Variants in POT1 observed in about 807,000 individuals in gnomAD.
POT1 encodes protection of telomeres protein 1.
In POT1, 47 loss-of-function variants were observed where a neutral mutation model predicts 78.5. The ratio of observed to expected loss-of-function variants is 0.60; its 90% CI spans 0.47 to 0.76. POT1 has a LOEUF of 0.76. Ranked by LOEUF, POT1 falls within the 30% of genes least tolerant of loss-of-function variation. The pLI is 0.00. For missense variants in POT1, 646 were observed against 749.9 expected, an observed-to-expected ratio of 0.86 and a Z score of 1.62; for synonymous variants, 259 against 260.7, an observed-to-expected ratio of 0.99 and a Z score of 0.06.
chr7:124,851,992 A>G (rs1431583399), intron 10 of POT1, 41 bp from the exon 11 acceptor site: 2 of 1,341,866 alleles, frequency 1.5e-6, no homozygotes, highest in Non-Finnish European at 2.1e-6. Context: ...CATAAAACAA[A>G]GTCAATATAG....
chr7:124,859,338 T>G (rs974766120), intron 8 of POT1, among the ~76,000 whole-genome samples: 1 of 152,140 alleles, frequency 6.6e-6, no homozygotes, highest in African/African-American at 2.4e-5. Context: ...CACACTGCCA[T>G]AAGCTCAGAC....
Position 124,828,802 on chromosome 7 carries a change from G to A in POT1, c.1594+452C>T, listed in dbSNP as rs971936906. Reference sequence around the variant, plus strand: ...CTGGACCACAAATAAAACATGAGATGGCTGTATCAAAAAGGAAAGAAAACA... The same window carrying A: ...CTGGACCACAAATAAAACATGAGATAGCTGTATCAAAAAGGAAAGAAAACA... On this transcript the variant is annotated intron_variant, in intron 16 of 18. Transcript: ENST00000357628. 4 of 448,098 alleles carry A rather than the reference G, an allele frequency of 8.9e-6. No homozygotes were observed. The Admixed American group carries it at 9.6e-5, about 11-fold the overall frequency. 27.8% of individuals were successfully genotyped at this position (448,098 alleles called of 1,614,324 possible). A position where few individuals can be genotyped will look rare whatever the true frequency, so the allele number is the denominator to read the frequency against.
chr7:124,928,141 A>G (rs1797319973), intron 2 of POT1, among the ~76,000 whole-genome samples: 1 of 152,064 alleles, frequency 6.6e-6, no homozygotes, highest in African/African-American at 2.4e-5. Flanking sequence ...TCTTTTTTCA[A>G]TATCCTTCCC....
intron 3 of POT1, among the ~76,000 whole-genome samples, chr7:124,902,178 C>T (rs1330717557): frequency 1.3e-5 from 2 of 152,020 alleles, no homozygotes; most frequent in Non-Finnish European, 2.9e-5. Flanking sequence ...ACAGAGAACG[C>T]CACAAAGATG....
At position 124,864,284 on chromosome 7, in the gene POT1, A is replaced by C. The variant is rs908803898; in HGVS notation, c.256-644T>G. 3.8e-4 allele frequency among the ~76,000 whole-genome samples: 58 copies of C among 151,880 alleles called. 1 individual carries two copies. The highest frequency in any genetic ancestry group is 7.5e-4 in the Non-Finnish European group (51 of 67,974). On this transcript the variant is annotated intron_variant, in intron 7 of 18. Transcript: ENST00000357628. ...GTTTACTTTGCACATTTTTTTTCCT[A>C]CAGTTTTAGTTCTAACTTGTTTAGG...
rs1794544619 is a variant in POT1 at position 124,823,116 on chromosome 7, G to A, written c.*846C>T. The A allele has an allele frequency of 6.5e-6, 1 of 153,218 alleles. No individual in the cohort carries two copies. The highest frequency in any genetic ancestry group is 2.4e-5 in the African/African-American group (1 of 41,432). 9.5% of individuals were successfully genotyped at this position (153,218 alleles called of 1,614,324 possible). A position where few individuals can be genotyped will look rare whatever the true frequency, so the allele number is the denominator to read the frequency against. On this transcript the variant is annotated 3_prime_UTR_variant, in exon 19 of 19. Transcript: ENST00000357628. ...TTATCGGAAAAATAGGTTGCTGTGA[G>A]GATCAAATACATGTTTAGTGCTTAG...
chr7:124,826,796 G>A (rs1327156213), intron 17 of POT1, among the ~76,000 whole-genome samples: 3 of 152,200 alleles, frequency 2.0e-5, no homozygotes, highest in South Asian at 4.1e-4. Context: ...TTGAACCCGG[G>A]AGGCGGAGGT....
At chr7:124,829,726 C>CTATATCTA (rs1302418358) in intron 15 of POT1, among the ~76,000 whole-genome samples, 1 of 150,082 alleles carries the variant, frequency 6.7e-6, no homozygotes, top group African/African-American at 2.5e-5. Flanking sequence ...ATATCTATAT[C>CTATATCTA]TATATATATA....
intron 11 of POT1, among the ~76,000 whole-genome samples, chr7:124,850,847 A>T (rs1176569481): frequency 6.6e-6 from 1 of 152,062 alleles, no homozygotes; most frequent in Non-Finnish European, 1.5e-5. Context: ...ATTGAGATGG[A>T]AAGAGAATAC....
At chr7:124,855,186 C>A (rs1795414291) in intron 9 of POT1, among the ~76,000 whole-genome samples, 1 of 61,484 alleles carries the variant, frequency 1.6e-5, no homozygotes, top group African/African-American at 6.6e-5. Flanking sequence ...GGTATACGTA[C>A]AAACCTACAT....
At chr7:124,846,306 CACA>C (rs1235398510) in intron 12 of POT1, among the ~76,000 whole-genome samples, 1 of 152,154 alleles carries the variant, frequency 6.6e-6, no homozygotes, top group Non-Finnish European at 1.5e-5. Context: ...CCAATTACAA[CACA>C]ACATTAAAAG....
Position 124,863,552 on chromosome 7 carries a change from A to G in POT1, c.344T>C (p.Ile115Thr), listed in dbSNP as rs749877603. 3.1e-6 allele frequency: 5 copies of G among 1,613,808 alleles called. No individual in the cohort carries two copies. Among genetic ancestry groups the G allele is most frequent in the African/African-American group, 2.7e-5 (2 of 74,910 alleles). The change falls in exon 8 of 19, where the codon ATA becomes ACA. Residue 115 changes from isoleucine (I) to threonine (T), a missense_variant. By Grantham distance (89) the Ile-to-Thr change is moderately conservative. Coordinates refer to ENST00000357628, the MANE Select transcript of POT1 (RefSeq NM_015450.3). ...AAAATACTTGCTTGAAGTGCGAGGT[A>G]TGATAGGGGCTCCCAAAGTTCCCTC... ...TFEGTLGAPIIPRTSSKYFNF... is the reference protein window; with the variant it reads ...TFEGTLGAPITPRTSSKYFNF...
intron 7 of POT1, among the ~76,000 whole-genome samples, chr7:124,869,419 C>T (rs771950970): frequency 2.0e-5 from 3 of 151,954 alleles, no homozygotes; most frequent in Non-Finnish European, 4.4e-5. Flanking sequence ...TATCTATTTG[C>T]TATTAAATAG....
intron 15 of POT1, among the ~76,000 whole-genome samples, chr7:124,829,799 A>G (rs566579733): frequency 1.3e-5 from 2 of 152,038 alleles, no homozygotes; most frequent in Non-Finnish European, 2.9e-5. Context: ...TCCTGGGCTC[A>G]AGTGAGCCTC....
chr7:124,906,005 T>G (rs1374396266), intron 3 of POT1, among the ~76,000 whole-genome samples: 1 of 152,082 alleles, frequency 6.6e-6, no homozygotes, highest in African/African-American at 2.4e-5. Context: ...CTGGAGAGGA[T>G]GTGGAGAAAT....
rs769658710 is a variant in POT1, at chr7:124,850,742, AAAACAAAC to A, written c.949+1122_949+1129del. Among the ~76,000 whole-genome samples the A allele has an allele frequency of 4.6e-5, 7 of 151,912 alleles. No homozygotes were observed. The East Asian group carries it at 7.7e-4, about 17-fold the overall frequency. Reference sequence around the variant, plus strand: ...GCAAGACTCTGTCTCAAAAAAAAACAAAACAAACAAACAAACAAACAAAAGAATTAAAT... The same window carrying A: ...GCAAGACTCTGTCTCAAAAAAAAACAAAACAAACAAACAAAAGAATTAAAT... On this transcript the variant is annotated intron_variant, in intron 11 of 18. Coordinates refer to ENST00000357628, the MANE Select transcript of POT1 (RefSeq NM_015450.3).
chr7:124,884,160 C>A (rs919611180), intron 6 of POT1, among the ~76,000 whole-genome samples: 2 of 152,004 alleles, frequency 1.3e-5, no homozygotes. Flanking sequence ...ATGTCCTTCT[C>A]AGATGTGAAA....
chr7:124,889,835 T>C lies in POT1; in HGVS notation c.124+2431A>G, dbSNP rs758776880. Among the ~76,000 whole-genome samples the C allele has an allele frequency of 1.4e-4, 22 of 152,116 alleles. 1 individual carries two copies. In the Middle Eastern group the frequency reaches 0.014, roughly 94 times the overall value. ...AGCAAAAAAGATTCTTTTCAAAATA[T>C]TACTGCTCATTGACAGTGCACCTAG... On this transcript the variant is annotated intron_variant, in intron 6 of 18. Transcript: ENST00000357628.
At chr7:124,896,734 T>C (rs1237458750) in intron 5 of POT1, among the ~76,000 whole-genome samples, 1 of 151,714 alleles carries the variant, frequency 6.6e-6, no homozygotes, top group Non-Finnish European at 1.5e-5. Context: ...TAAAAAGAAA[T>C]GTATCATAAG....
Sources: allele counts gnomAD v4.1 joint callset (sites outside exome capture counted in the v4.1 genomes callset), GRCh38; gene constraint gnomAD v4.1.1; transcripts MANE v1.5; gene names NCBI Gene and HGNC (gene_info 2026-07-23, HGNC 2026-07-21).